COP1: variants seen among roughly 807,000 people sequenced by gnomAD.
The protein encoded by COP1 is E3 ubiquitin-protein ligase COP1.
In COP1, 24 loss-of-function variants were observed where a neutral mutation model predicts 101.3. The observed-to-expected ratio is 0.24, with a 90% CI of 0.17 to 0.33. The LOEUF is 0.33. Among genes scored for constraint, COP1 ranks in the 10% least tolerant of loss-of-function variants. COP1 has a pLI of 1.00. For missense variants in COP1, 663 were observed against 906.2 expected (o/e 0.73, Z 3.45); for synonymous variants, 347 against 341.9 (o/e 1.01, Z -0.17).
At position 176,206,620 on chromosome 1, in the gene COP1, C is replaced by T; in HGVS notation, c.359G>A (p.Cys120Tyr). Residue 120 changes from cysteine to tyrosine, a missense_variant, in exon 1 of 20, where the codon TGC becomes TAC. Around this residue, in one of 4 missense-constraint regions of COP1, gnomAD observed 204 missense variants for 203.6 expected, o/e 1.00. Coordinates refer to ENST00000367669, the MANE Select transcript of COP1 (RefSeq NM_022457.7). ...CTCGTAGGAGTTGATGAGCCCGTTG[C>T]AGAGGGGGGCGAGGAGAGGTCGCTT... ...SRKRPLLAPL[C>Y]NGLINSYEDK... 2.5e-6 allele frequency: 4 copies of T among 1,612,170 alleles called. No individual in the cohort carries two copies. Among genetic ancestry groups the T allele is most frequent in the Non-Finnish European group, 3.4e-6 (4 of 1,179,986 alleles).
intron 3 of COP1, among the ~76,000 whole-genome samples, chr1:176,175,506 C>T (rs1196258488): frequency 6.6e-6 from 1 of 152,176 alleles, no homozygotes; most frequent in African/African-American, 2.4e-5. Context: ...CTTGCATGTG[C>T]AGTTCACAAT....
intron 11 of COP1, among the ~76,000 whole-genome samples, chr1:176,074,956 T>C (rs893549599): frequency 4.6e-5 from 7 of 152,168 alleles, no homozygotes; most frequent in African/African-American, 1.2e-4. Flanking sequence ...ATTCTTAACA[T>C]AGTTAAGAAT....
chr1:176,033,269 C>T (rs1668937919), intron 14 of COP1, among the ~76,000 whole-genome samples: 2 of 151,942 alleles, frequency 1.3e-5, no homozygotes, highest in Admixed American at 1.3e-4. Flanking sequence ...ACAAAATTAG[C>T]CAGCTGTCGG....
intron 11 of COP1, among the ~76,000 whole-genome samples, chr1:176,056,526 G>GT (rs1320843063): frequency 1.3e-5 from 2 of 152,126 alleles, no homozygotes; most frequent in African/African-American, 4.8e-5. Context: ...GTGTGTGTGT[G>GT]TAAGACAAAG....
chr1:176,055,182 C>T (rs1047812374), intron 11 of COP1, among the ~76,000 whole-genome samples: 1 of 152,230 alleles, frequency 6.6e-6, no homozygotes. Context: ...GCCTGTAATC[C>T]CATCACTTCG....
In COP1 at chr1:176,041,540, G is replaced by A. The variant is rs140791615; in HGVS notation, c.1612+1646C>T. Among the ~76,000 whole-genome samples, 1,194 of 151,920 alleles carry A rather than the reference G, an allele frequency of 7.9e-3. 9 individuals carry two copies. Among genetic ancestry groups the A allele is most frequent in the Non-Finnish European group, 0.011 (754 of 67,958 alleles). ...ATTTTTGTATTTTTAGTAGAGACAG[G>A]GTTTCACCACATTGGCCAGGCTGTT... is the stretch of plus-strand genomic sequence containing the variant. On this transcript the variant is annotated intron_variant, in intron 14 of 19. Coordinates refer to ENST00000367669, the MANE Select transcript of COP1 (RefSeq NM_022457.7).
chr1:175,979,850 T>G (rs1315949286), intron 18 of COP1, among the ~76,000 whole-genome samples: 2 of 152,136 alleles, frequency 1.3e-5, no homozygotes, highest in Non-Finnish European at 2.9e-5. Context: ...TGATTCCAAT[T>G]AATTACCATT....
intron 15 of COP1, among the ~76,000 whole-genome samples, chr1:176,003,049 C>T (rs1486487594): frequency 3.3e-5 from 5 of 151,480 alleles, no homozygotes; most frequent in African/African-American, 4.8e-5. Flanking sequence ...GATTGCCATT[C>T]TAACTGGTGT....
In COP1 at chr1:175,951,463, A is replaced by ATATAT. The variant is rs1558154896; in HGVS notation, c.2134-4225_2134-4224insATATA. Among the ~76,000 whole-genome samples the ATATAT allele has an allele frequency of 3.3e-3, 131 of 39,894 alleles. 7 individuals carry two copies. The highest frequency in any genetic ancestry group is 0.026 in the East Asian group (29 of 1,112). 26.2% of individuals were successfully genotyped at this position (39,894 alleles called of 152,430 possible). ...ATATATATATATATATATATATATAAAAACTTCCATTTTTGGCCATAACAG... is the reference window on the plus strand; with the variant it reads ...ATATATATATATATATATATATATAATATATAAACTTCCATTTTTGGCCATAACAG... On this transcript the variant is annotated intron_variant, in intron 18 of 19. Coordinates refer to ENST00000367669, the MANE Select transcript of COP1 (RefSeq NM_022457.7).
At position 176,115,949 on chromosome 1, in the gene COP1, A is replaced by C. The variant is rs149872968; in HGVS notation, c.1026+675T>G. On this transcript the variant is annotated intron_variant, in intron 9 of 19. Coordinates refer to ENST00000367669, the MANE Select transcript of COP1 (RefSeq NM_022457.7). ...TCTTTATTCCATGGAAAAGCTGTTA[A>C]GTTTCAACGTAATGAAGCGTAATTC... Among the ~76,000 whole-genome samples, 1,405 of 152,234 alleles carry C rather than the reference A, an allele frequency of 9.2e-3. 21 individuals carry two copies. The highest frequency in any genetic ancestry group is 0.032 in the African/African-American group (1,335 of 41,550).
At chr1:176,016,004 G>A (rs1256943262) in intron 15 of COP1, among the ~76,000 whole-genome samples, 3 of 152,120 alleles carry the variant, frequency 2.0e-5, no homozygotes, top group African/African-American at 4.8e-5. Flanking sequence ...ACATGGCTTG[G>A]ACCACTGCAT....
intron 18 of COP1, among the ~76,000 whole-genome samples, chr1:175,956,207 T>A (rs918555732): frequency 1.3e-5 from 2 of 151,704 alleles, no homozygotes; most frequent in African/African-American, 4.8e-5. Flanking sequence ...CATAATCAAC[T>A]GAATTTCAAA....
At chr1:176,192,441 T>C (rs1699210345) in intron 1 of COP1, among the ~76,000 whole-genome samples, 1 of 152,202 alleles carries the variant, frequency 6.6e-6, no homozygotes, top group Non-Finnish European at 1.5e-5. Context: ...AATACTTTTC[T>C]GCTTCTCAAG....
chr1:175,973,120 C>A (rs1653682979), intron 18 of COP1, among the ~76,000 whole-genome samples: 1 of 152,190 alleles, frequency 6.6e-6, no homozygotes, highest in Admixed American at 6.5e-5. Context: ...GCGTGAACCA[C>A]CCCATCTGGC....
chr1:176,003,195 G>C (rs1176516958), intron 15 of COP1, among the ~76,000 whole-genome samples: 4 of 151,580 alleles, frequency 2.6e-5, no homozygotes, highest in Non-Finnish European at 5.9e-5. Context: ...CCCACTTTTT[G>C]ATGGGGTTGT....
At chr1:175,990,024 T>C (rs549766791) in intron 15 of COP1, among the ~76,000 whole-genome samples, 1 of 152,062 alleles carries the variant, frequency 6.6e-6, no homozygotes, top group East Asian at 2.0e-4. Context: ...ACCTTTATTA[T>C]TTCCTTCCTT....
chr1:176,106,015 GTTTGTTTTGTTT>G (rs1216977242), intron 9 of COP1, among the ~76,000 whole-genome samples: 1 of 151,598 alleles, frequency 6.6e-6, no homozygotes, highest in Admixed American at 6.6e-5. Context: ...TAGTTTACAG[GTTTGTTTTGTTT>G]TTTGTTTTGT....
chr1:176,087,032 G>T (rs1290893945), intron 9 of COP1, among the ~76,000 whole-genome samples: 1 of 152,184 alleles, frequency 6.6e-6, no homozygotes, highest in Admixed American at 6.5e-5. Context: ...TTAGTAAATG[G>T]TTCTGGGAAA....
chr1:176,196,902 G>T lies in COP1; in HGVS notation c.407+9670C>A, dbSNP rs12060855. On this transcript the variant is annotated intron_variant, in intron 1 of 19. Transcript: ENST00000367669. ...TACGCAAAAAAAAAAAAGAGAAAAA[G>T]AAAGAAGAAAGAGAAAGAAAGAAAG... is the stretch of plus-strand genomic sequence containing the variant. Among the ~76,000 whole-genome samples the T allele has an allele frequency of 4.1e-3, 561 of 138,172 alleles. 4 individuals are homozygous for T. The highest frequency in any genetic ancestry group is 0.014 in the African/African-American group (530 of 38,310). 90.6% of individuals were successfully genotyped at this position (138,172 alleles called of 152,430 possible). A position where few individuals can be genotyped will look rare whatever the true frequency, so the allele number is the denominator to read the frequency against.
Sources: gnomAD v4.1 joint callset for allele counts (sites outside exome capture counted in the v4.1 genomes callset) on GRCh38, gnomAD v4.1.1 for gene constraint, gnomAD v4.1.1 regional missense constraint, MANE v1.5 for transcripts, NCBI Gene and HGNC (gene_info 2026-07-23, HGNC 2026-07-21) for gene names.